LUC7L: variants seen among roughly 807,000 people sequenced by gnomAD.
LUC7L encodes putative RNA-binding protein Luc7-like 1.
LUC7L carries 29 observed loss-of-function variants against 51.1 expected under a neutral mutation model. That is an observed-to-expected ratio of 0.57 (90% confidence interval 0.42 to 0.77). The LOEUF is 0.77. Ranked by LOEUF, LUC7L falls within the 30% of genes least tolerant of loss-of-function variation. The pLI, the probability that LUC7L is intolerant of heterozygous loss-of-function variation, is 0.00. For missense variants in LUC7L, 403 were observed against 511.9 expected, an observed-to-expected ratio of 0.79 and a Z score of 2.05; for synonymous variants, 181 against 180.7, an observed-to-expected ratio of 1.00 and a Z score of -0.01.
chr16:224,705 C>T (rs959906140), intron 2 of LUC7L, among the ~76,000 whole-genome samples: 36 of 151,604 alleles, frequency 2.4e-4, no homozygotes, highest in Non-Finnish European at 4.4e-4. Context: ...TGGTGGCGGG[C>T]GCCTATAATC....
intron 6 of LUC7L, among the ~76,000 whole-genome samples, chr16:193,508 A>G (rs1375174925): frequency 6.6e-6 from 1 of 151,928 alleles, no homozygotes; most frequent in Non-Finnish European, 1.5e-5. Context: ...CTTTATCATT[A>G]CATTTTTTTT....
In LUC7L at chr16:211,323, C is replaced by T. The variant is rs114547788; in HGVS notation, c.256-3135G>A. Among the ~76,000 whole-genome samples the T allele has an allele frequency of 6.0e-3, 913 of 152,196 alleles. 16 individuals carry two copies. Among genetic ancestry groups the T allele is most frequent in the African/African-American group, 0.02 (837 of 41,542 alleles). On this transcript the variant is annotated intron_variant, in intron 3 of 9. Coordinates refer to ENST00000293872, the MANE Select transcript of LUC7L (RefSeq NM_201412.3). ...GAACTATCATATGCTAAGGTTAATTCGCCTTACGAGGTGAATCCCAGCTAC... is the reference window on the plus strand; with the variant it reads ...GAACTATCATATGCTAAGGTTAATTTGCCTTACGAGGTGAATCCCAGCTAC...
chr16:228,912 G>T lies in LUC7L; in HGVS notation c.61+367C>A, dbSNP rs759467091. On this transcript the variant is annotated intron_variant, in intron 1 of 9. Transcript: ENST00000293872. ...TCCCAAGGAGCCTCGGAAGAGTTCTGCCACCCGGCTGCCAGCGACCTGGAG... is the reference window on the plus strand; with the variant it reads ...TCCCAAGGAGCCTCGGAAGAGTTCTTCCACCCGGCTGCCAGCGACCTGGAG... The T allele has an allele frequency of 8.1e-6, 11 of 1,355,548 alleles. No individual in the cohort carries two copies. In the South Asian group the frequency reaches 1.4e-4, roughly 17 times the overall value. The allele number at this position is 1,355,548 out of a possible 1,614,324, so 84.0% of individuals were successfully genotyped here.
chr16:212,517 A>G (rs938627567), intron 3 of LUC7L, among the ~76,000 whole-genome samples: 5 of 152,176 alleles, frequency 3.3e-5, no homozygotes, highest in African/African-American at 1.2e-4. Context: ...AGGGTCACAC[A>G]GGGACTCTAA....
At chr16:190,174 G>A (rs1195324470) in intron 8 of LUC7L, 39 bp from the exon 9 acceptor site, 3 of 1,560,612 alleles carry the variant, frequency 1.9e-6, no homozygotes, top group Admixed American at 1.7e-5. Context: ...GACTCTATAG[G>A]TGCCAACACT....
intron 3 of LUC7L, among the ~76,000 whole-genome samples, chr16:216,261 CA>C (rs1365967998): frequency 1.3e-5 from 2 of 152,254 alleles, no homozygotes; most frequent in East Asian, 1.9e-4. Flanking sequence ...CTCAGCCTCC[CA>C]AAGTGCTTGG....
intron 4 of LUC7L, among the ~76,000 whole-genome samples, chr16:206,709 T>C (rs2049492902): frequency 6.6e-6 from 1 of 152,024 alleles, no homozygotes; most frequent in South Asian, 2.1e-4. Context: ...GTACCACAGT[T>C]TGACCATTTC....
At chr16:221,007 A>T (rs1024446680) in intron 2 of LUC7L, among the ~76,000 whole-genome samples, 1 of 152,128 alleles carries the variant, frequency 6.6e-6, no homozygotes, top group Non-Finnish European at 1.5e-5. Context: ...GACTGTAATC[A>T]TCACAACTAC....
Position 229,342 on chromosome 16 carries a change from T to C in LUC7L, c.-3A>G. On this transcript the variant is annotated 5_prime_UTR_variant, in exon 1 of 10. Transcript: ENST00000293872. ...CGCATCTGCGCCTGGGCGGACATGG[T>C]AGCCGGCGGAGGCGACGGGGTCGGC... 6.7e-7 allele frequency: 1 copy of C among 1,503,656 alleles called. No individual in the cohort carries two copies. The allele number at this position is 1,503,656 out of a possible 1,614,324, so 93.1% of individuals were successfully genotyped here. A position where few individuals can be genotyped will look rare whatever the true frequency, so the allele number is the denominator to read the frequency against.
Position 190,054 on chromosome 16 carries a change from TCGGGAC to T in LUC7L, c.882_887del (p.Ser295_Arg296del), listed in dbSNP as rs749972048. 13 of 1,613,602 alleles carry T rather than the reference TCGGGAC, an allele frequency of 8.1e-6. No individual in the cohort carries two copies. The highest frequency in any genetic ancestry group is 2.2e-5 in the East Asian group (1 of 44,874). On this transcript the variant is annotated inframe_deletion, in exon 9 of 10. Transcript: ENST00000293872. ...GGCTGCGGTGGCGCCGATGTCTATC[TCGGGAC>T]CGGGACCGGGACAATTTCCGTCGCT... is the stretch of plus-strand genomic sequence containing the variant.
Position 227,735 on chromosome 16 carries a change from T to A in LUC7L, c.62-399A>T, listed in dbSNP as rs541706630. The A allele has an allele frequency of 5.9e-6, 6 of 1,015,336 alleles. No homozygotes were observed. In the African/African-American group the frequency reaches 1.0e-4, roughly 17 times the overall value. The allele number at this position is 1,015,336 out of a possible 1,614,324, so 62.9% of individuals were successfully genotyped here. A position where few individuals can be genotyped will look rare whatever the true frequency, so the allele number is the denominator to read the frequency against. On this transcript the variant is annotated intron_variant, in intron 1 of 9. Transcript: ENST00000293872. ...AATTTCCACCAACAAAAGCTACTTA[T>A]TAATCTAATCTTTTTGTTATGAACA... is the stretch of plus-strand genomic sequence containing the variant.
At chr16:219,152 A>C (rs1484155300) in intron 3 of LUC7L, among the ~76,000 whole-genome samples, 1 of 151,932 alleles carries the variant, frequency 6.6e-6, no homozygotes, top group African/African-American at 2.4e-5. Context: ...GCACTTTGGG[A>C]GGCCGAGGCA....
chr16:199,511 C>T (rs1166965511), intron 5 of LUC7L, among the ~76,000 whole-genome samples: 1 of 152,146 alleles, frequency 6.6e-6, no homozygotes, highest in Non-Finnish European at 1.5e-5. Flanking sequence ...GTGGCTCACG[C>T]CTGTAATCCC....
chr16:193,076 A>G (rs1567172309), intron 6 of LUC7L, 61 bp from the exon 7 acceptor site: 3 of 1,317,514 alleles, frequency 2.3e-6, no homozygotes, highest in Non-Finnish European at 3.3e-6. Context: ...TGTGAATGCT[A>G]CTTAACAAAT....
intron 2 of LUC7L, among the ~76,000 whole-genome samples, chr16:225,031 G>A (rs1212051107): frequency 6.6e-6 from 1 of 152,202 alleles, no homozygotes; most frequent in African/African-American, 2.4e-5. Flanking sequence ...ATCAAGCAGA[G>A]CTGAAATATC....
chr16:229,021 G>C lies in LUC7L; in HGVS notation c.61+258C>G. On this transcript the variant is annotated intron_variant, in intron 1 of 9. Coordinates refer to ENST00000293872, the MANE Select transcript of LUC7L (RefSeq NM_201412.3). ...GGCGCCCGCCGGGGAGGAAGTAGCA[G>C]GACGGTACATAGGAAGGAGGCTGAA... is the stretch of plus-strand genomic sequence containing the variant. The C allele has an allele frequency of 4.1e-6, 6 of 1,451,786 alleles. No homozygotes were observed. The South Asian group carries it at 8.0e-5, about 19-fold the overall frequency. 89.9% of individuals were successfully genotyped at this position (1,451,786 alleles called of 1,614,324 possible).
At chr16:214,740 G>T (rs1369846930) in intron 3 of LUC7L, among the ~76,000 whole-genome samples, 1 of 152,118 alleles carries the variant, frequency 6.6e-6, no homozygotes, top group Non-Finnish European at 1.5e-5. Context: ...TCTTGCCCAG[G>T]CTAGTCTCCA....
chr16:226,119 C>G (rs1039681958), intron 2 of LUC7L, among the ~76,000 whole-genome samples: 9 of 152,180 alleles, frequency 5.9e-5, no homozygotes, highest in Admixed American at 3.9e-4. Context: ...AAACAGCAGA[C>G]AACACCCCAA....
intron 5 of LUC7L, among the ~76,000 whole-genome samples, chr16:201,807 G>A (rs1049699448): frequency 7.4e-6 from 1 of 135,186 alleles, no homozygotes; most frequent in Non-Finnish European, 1.5e-5. Flanking sequence ...GCAATGGCAC[G>A]ATCTCTGTTC....
Sources: allele counts gnomAD v4.1 joint callset (sites outside exome capture counted in the v4.1 genomes callset), GRCh38; gene constraint gnomAD v4.1.1; transcripts MANE v1.5; gene names NCBI Gene and HGNC (gene_info 2026-07-23, HGNC 2026-07-21).